The following CBR4 variants were observed in gnomAD, a reference collection of about 807,000 sequenced individuals.
CBR4 encodes carbonyl reductase 4, also known as 3-oxoacyl-[acyl-carrier-protein] reductase.
CBR4 carries 22 observed loss-of-function variants against 21.0 expected under a neutral mutation model. The ratio of observed to expected loss-of-function variants is 1.05; its 90% confidence interval spans 0.75 to 1.50. The LOEUF (loss-of-function observed/expected upper bound fraction) is 1.50, where lower values mean the gene tolerates loss of function less well. Ranked by LOEUF, CBR4 falls within the 40% of genes most tolerant of loss-of-function variation. CBR4 has a pLI of 0.00. For missense variants in CBR4, 302 were observed against 286.3 expected, an observed-to-expected ratio of 1.05 and a Z score of -0.40; for synonymous variants, 100 against 104.4, an observed-to-expected ratio of 0.96 and a Z score of 0.26.
chr4:169,002,052 T>C lies in CBR4; in HGVS notation c.535+19A>G. 6.5e-7 allele frequency: 1 copy of C among 1,535,698 alleles called. No homozygotes were observed. Among genetic ancestry groups the C allele is most frequent in the Non-Finnish European group, 8.8e-7 (1 of 1,140,368 alleles). On this transcript the variant is annotated intron_variant, in intron 4 of 4. Transcript: ENST00000306193. Reference sequence around the variant, plus strand: ...AACAATAATCATAATCAAGTTATTTTAATAAAGTTTTCACTAACCTGGTGC... The same window carrying C: ...AACAATAATCATAATCAAGTTATTTCAATAAAGTTTTCACTAACCTGGTGC...
intron 2 of CBR4, among the ~76,000 whole-genome samples, chr4:168,946,514 C>G (rs1020928991): frequency 2.6e-5 from 4 of 152,176 alleles, no homozygotes; most frequent in African/African-American, 7.2e-5. Flanking sequence ...AAGGCAGAAA[C>G]AGATGTGGAT....
chr4:169,004,222 T>C (rs916849121), intron 3 of CBR4, among the ~76,000 whole-genome samples: 17 of 152,324 alleles, frequency 1.1e-4, no homozygotes, highest in Admixed American at 5.2e-4. Flanking sequence ...GCTCAGATGA[T>C]CATTAGCATT....
intron 2 of CBR4, among the ~76,000 whole-genome samples, chr4:168,902,866 G>A (rs1412675610): frequency 1.3e-5 from 2 of 151,972 alleles, no homozygotes; most frequent in Non-Finnish European, 2.9e-5. Context: ...CAACCTCCTG[G>A]GCTCAAGCAA....
chr4:168,982,256 G>A (rs1224629969), intron 2 of CBR4, among the ~76,000 whole-genome samples: 1 of 152,104 alleles, frequency 6.6e-6, no homozygotes, highest in African/African-American at 2.4e-5. Flanking sequence ...AAAAGGAGCA[G>A]GGGTTGCTAT....
intron 2 of CBR4, among the ~76,000 whole-genome samples, chr4:168,931,907 CCTAA>C (rs1291076135): frequency 6.6e-6 from 1 of 151,530 alleles, no homozygotes; most frequent in Non-Finnish European, 1.5e-5. Context: ...ACACACCCCC[CCTAA>C]CTGACACTAT....
intron 2 of CBR4, among the ~76,000 whole-genome samples, chr4:168,979,709 A>T (rs1764483647): frequency 6.6e-6 from 1 of 152,014 alleles, no homozygotes; most frequent in South Asian, 2.1e-4. Flanking sequence ...TTCACCATGT[A>T]GGGCCTCTGG....
intron 2 of CBR4, among the ~76,000 whole-genome samples, chr4:168,928,833 T>C (rs945723757): frequency 5.9e-5 from 9 of 152,182 alleles, no homozygotes; most frequent in African/African-American, 1.7e-4. Flanking sequence ...TCTCACACTT[T>C]CTCTTTGTCA....
intron 2 of CBR4, among the ~76,000 whole-genome samples, chr4:168,913,136 CTT>C (rs33986728): frequency 1.3e-3 from 158 of 118,976 alleles, no homozygotes; most frequent in Middle Eastern, 8.8e-3. Context: ...ATGCCACTAA[CTT>C]TTTTTTTTTT....
chr4:168,971,488 T>C lies in CBR4; in HGVS notation n.169+30583A>G, dbSNP rs534516008. ...TTTTAGTAGAGACAGGGTTTCACCA[T>C]GTTGGCCCTGGTCTCGAACTCCTGA... On this transcript the variant is annotated intron_variant and non_coding_transcript_variant, in intron 2 of 3. Coordinates refer to the CBR4 transcript ENST00000509108. 2.5e-4 allele frequency among the ~76,000 whole-genome samples: 36 copies of C among 145,432 alleles called. No homozygotes were observed. In the East Asian group the frequency reaches 6.1e-3, roughly 25 times the overall value.
downstream of CBR4, among the ~76,000 whole-genome samples, chr4:168,983,618 T>G (rs1764604512): frequency 6.6e-6 from 1 of 151,832 alleles, no homozygotes; most frequent in African/African-American, 2.4e-5. Flanking sequence ...AAAGAAAACT[T>G]TAGGCCAGTA....
chr4:168,940,302 A>G (rs1222200299), intron 2 of CBR4, among the ~76,000 whole-genome samples: 1 of 152,254 alleles, frequency 6.6e-6, no homozygotes, highest in African/African-American at 2.4e-5. Context: ...AGAGGAATTA[A>G]AGACTGAAAT....
At chr4:168,986,323 G>A (rs113487303), downstream of CBR4, among the ~76,000 whole-genome samples, 4,046 of 152,216 alleles carry the variant, frequency 0.027, 78 homozygotes, top group Non-Finnish European at 0.039. Context: ...AAGATACTGA[G>A]GGCCAACTGT....
At chr4:168,896,355 T>C (rs1319712322) in intron 2 of CBR4, among the ~76,000 whole-genome samples, 1 of 152,198 alleles carries the variant, frequency 6.6e-6, no homozygotes, top group Non-Finnish European at 1.5e-5. Flanking sequence ...AAATAAAGTA[T>C]TGAATATCTC....
intron 2 of CBR4, among the ~76,000 whole-genome samples, chr4:168,947,671 A>G (rs755601272): frequency 6.6e-6 from 1 of 152,168 alleles, no homozygotes; most frequent in Non-Finnish European, 1.5e-5. Flanking sequence ...TTCATTTAGT[A>G]TAACAGTCTC....
intron 4 of CBR4, among the ~76,000 whole-genome samples, chr4:168,991,112 T>C (rs993896683): frequency 2.0e-5 from 3 of 152,128 alleles, no homozygotes; most frequent in African/African-American, 4.8e-5. Context: ...CAAGCCTACA[T>C]TTTTATACAA....
chr4:168,935,124 G>A (rs1471443747), intron 2 of CBR4, among the ~76,000 whole-genome samples: 1 of 152,184 alleles, frequency 6.6e-6, no homozygotes, highest in Non-Finnish European at 1.5e-5. Context: ...GCCCATGGAG[G>A]GCGAGCAGAA....
At chr4:168,944,274 C>G (rs1763343478) in intron 2 of CBR4, among the ~76,000 whole-genome samples, 1 of 151,734 alleles carries the variant, frequency 6.6e-6, no homozygotes, top group East Asian at 1.9e-4. Context: ...GTGAGACCCC[C>G]CATCTCTAAA....
chr4:168,922,407 C>T (rs1285392211), intron 2 of CBR4, among the ~76,000 whole-genome samples: 1 of 152,152 alleles, frequency 6.6e-6, no homozygotes, highest in African/African-American at 2.4e-5. Flanking sequence ...ATGCAAAGTG[C>T]TTCATGTACA....
At chr4:168,914,177 C>A in intron 2 of CBR4, 1 of 650,026 alleles carries the variant, frequency 1.5e-6, no homozygotes. Flanking sequence ...GATTATTATG[C>A]TCCCTTGTGA....
Sources: gnomAD v4.1 joint callset for allele counts (sites outside exome capture counted in the v4.1 genomes callset) on GRCh38, gnomAD v4.1.1 for gene constraint, MANE v1.5 for transcripts, NCBI Gene and HGNC (gene_info 2026-07-23, HGNC 2026-07-21) for gene names.